The following CNIH3 variants were observed in gnomAD, a reference collection of about 807,000 sequenced individuals.
CNIH3 encodes the protein cornichon family AMPA receptor auxiliary protein 3, also known as protein cornichon homolog 3.
A neutral mutation model predicts 24.1 loss-of-function variants in CNIH3; 14 were observed. The observed-to-expected ratio is 0.58, with a 90% CI of 0.38 to 0.91. CNIH3 has a LOEUF of 0.91. Ranked by LOEUF, CNIH3 falls within the 40% of genes least tolerant of loss-of-function variation. The pLI is 0.00. For synonymous variants in CNIH3, 68 were observed against 73.8 expected (o/e 0.92, Z 0.40); for missense variants, 178 against 196.8 (o/e 0.90, Z 0.57).
Position 224,688,449 on chromosome 1 carries a change from C to T in CNIH3, c.198+3606C>T, listed in dbSNP as rs989987050. Among the ~76,000 whole-genome samples the T allele has an allele frequency of 3.3e-5, 5 of 152,246 alleles. No homozygotes were observed. In the South Asian group the frequency reaches 1.0e-3, roughly 32 times the overall value. ...TTTCATTCACTGTCATGGGCTGTGA[C>T]ATAGAATGTAGAGGAACGCATAGCC... On this transcript the variant is annotated intron_variant, in intron 3 of 5. Coordinates refer to ENST00000272133, the MANE Select transcript of CNIH3 (RefSeq NM_152495.2).
At chr1:224,438,818 A>G (rs915073066) in intron 1 of CNIH3, among the ~76,000 whole-genome samples, 1 of 152,342 alleles carries the variant, frequency 6.6e-6, no homozygotes, top group Non-Finnish European at 1.5e-5. Context: ...GGATAATGAC[A>G]TTGGCATACC....
At chr1:224,557,942 G>A (rs1051584097) in intron 3 of CNIH3, among the ~76,000 whole-genome samples, 1 of 152,214 alleles carries the variant, frequency 6.6e-6, no homozygotes, top group African/African-American at 2.4e-5. Context: ...TACAGATAAA[G>A]GAAAAGGCTT....
At chr1:224,438,817 C>T (rs191119524) in intron 1 of CNIH3, among the ~76,000 whole-genome samples, 3 of 152,282 alleles carry the variant, frequency 2.0e-5, no homozygotes, top group Non-Finnish European at 2.9e-5. Context: ...GGGATAATGA[C>T]ATTGGCATAC....
At chr1:224,634,927 C>T (rs976477108) in intron 1 of CNIH3, among the ~76,000 whole-genome samples, 2 of 152,210 alleles carry the variant, frequency 1.3e-5, no homozygotes, top group South Asian at 2.1e-4. Flanking sequence ...CAGCACTGTT[C>T]AGAGTATAAG....
chr1:224,439,647 C>G (rs1674807345), intron 1 of CNIH3, among the ~76,000 whole-genome samples: 1 of 152,176 alleles, frequency 6.6e-6, no homozygotes, highest in African/African-American at 2.4e-5. Flanking sequence ...GAGTCTCGCT[C>G]TGTCGCCAGG....
chr1:224,560,249 G>A (rs529974546), intron 3 of CNIH3, among the ~76,000 whole-genome samples: 1 of 152,268 alleles, frequency 6.6e-6, no homozygotes, highest in East Asian at 1.9e-4. Flanking sequence ...ATACCTAGGA[G>A]TGGAATTTCT....
chr1:224,625,629 A>G (rs1683488081), intron 1 of CNIH3, among the ~76,000 whole-genome samples: 1 of 152,180 alleles, frequency 6.6e-6, no homozygotes, highest in South Asian at 2.1e-4. Flanking sequence ...CTCTCTGTGT[A>G]AGGGAGGCTA....
intron 1 of CNIH3, among the ~76,000 whole-genome samples, chr1:224,670,977 A>G (rs976872928): frequency 1.3e-5 from 2 of 152,206 alleles, no homozygotes; most frequent in South Asian, 2.1e-4. Context: ...GGTGGGCCTC[A>G]TCCAATCAGC....
intron 3 of CNIH3, among the ~76,000 whole-genome samples, chr1:224,705,029 A>G (rs1687703592): frequency 6.6e-6 from 1 of 152,086 alleles, no homozygotes; most frequent in African/African-American, 2.4e-5. Flanking sequence ...AAGACAGGAG[A>G]ATTGCTTGAA....
intron 1 of CNIH3, among the ~76,000 whole-genome samples, chr1:224,652,897 C>G (rs1012118007): frequency 5.9e-5 from 9 of 152,132 alleles, no homozygotes; most frequent in African/African-American, 2.2e-4. Flanking sequence ...CTCAGCAGCT[C>G]TAGCTGCACA....
At chr1:224,508,404 TTGTC>T (rs2124887448) in intron 1 of CNIH3, among the ~76,000 whole-genome samples, 1 of 152,328 alleles carries the variant, frequency 6.6e-6, no homozygotes, top group African/African-American at 2.4e-5. Context: ...TATACTGTAT[TTGTC>T]TGTGTCTTAA....
intron 2 of CNIH3, among the ~76,000 whole-genome samples, chr1:224,528,564 C>G (rs1678935769): frequency 6.6e-6 from 1 of 152,148 alleles, no homozygotes; most frequent in African/African-American, 2.4e-5. Context: ...TTCAAGTGAT[C>G]CACCTCAGCC....
At chr1:224,590,508 G>T (rs1404366554), downstream of CNIH3, among the ~76,000 whole-genome samples, 2 of 152,304 alleles carry the variant, frequency 1.3e-5, no homozygotes, top group Non-Finnish European at 1.5e-5. Context: ...CAGTTCTGGG[G>T]CTGGGAAGTC....
At chr1:224,662,202 A>G (rs1470540707) in intron 1 of CNIH3, among the ~76,000 whole-genome samples, 1 of 152,216 alleles carries the variant, frequency 6.6e-6, no homozygotes, top group Non-Finnish European at 1.5e-5. Flanking sequence ...AAGATTTTAA[A>G]TTACATAAAA....
chr1:224,494,665 A>G, intron 1 of CNIH3, among the ~76,000 whole-genome samples: 1 of 152,098 alleles, frequency 6.6e-6, no homozygotes. Context: ...CAGCCACTTT[A>G]TCTTAAAGAC....
chr1:224,542,089 C>T (rs898402818), downstream of CNIH3, among the ~76,000 whole-genome samples: 3 of 152,224 alleles, frequency 2.0e-5, no homozygotes, highest in Non-Finnish European at 4.4e-5. Flanking sequence ...CCCACACCTC[C>T]TCCACTTCCT....
intron 1 of CNIH3, among the ~76,000 whole-genome samples, chr1:224,493,033 G>A (rs1240644877): frequency 6.6e-6 from 1 of 152,186 alleles, no homozygotes; most frequent in Non-Finnish European, 1.5e-5. Context: ...TTGAGTCAAC[G>A]ATTTCCCTGG....
At chr1:224,529,007 A>G (rs1185769716) in intron 2 of CNIH3, among the ~76,000 whole-genome samples, 1 of 152,164 alleles carries the variant, frequency 6.6e-6, no homozygotes, top group Non-Finnish European at 1.5e-5. Flanking sequence ...TCACTGTTTC[A>G]TGGACTGTGT....
At chr1:224,728,302 G>C (rs570959382) in intron 3 of CNIH3, among the ~76,000 whole-genome samples, 3 of 152,198 alleles carry the variant, frequency 2.0e-5, no homozygotes, top group African/African-American at 4.8e-5. Context: ...TGAATGGGAG[G>C]GGGTAGGGTG....
Sources: gnomAD v4.1 joint callset for allele counts (sites outside exome capture counted in the v4.1 genomes callset) on GRCh38, gnomAD v4.1.1 for gene constraint, MANE v1.5 for transcripts, NCBI Gene and HGNC (gene_info 2026-07-23, HGNC 2026-07-21) for gene names.